B9D1: variants seen among roughly 807,000 people sequenced by gnomAD.
B9D1 encodes B9 domain containing 1.
Under a neutral mutation model 26.1 loss-of-function variants are expected in B9D1, and 20 were observed. That is an observed-to-expected ratio of 0.77 (90% confidence interval 0.54 to 1.12). B9D1 has a LOEUF of 1.12. Among genes scored for constraint, B9D1 ranks in the 50% most tolerant of loss-of-function variants. B9D1 has a pLI of 0.00. For missense variants in B9D1, 260 were observed against 273.7 expected (o/e 0.95, Z 0.35); for synonymous variants, 105 against 103.1 (o/e 1.02, Z -0.11).
chr17:19,363,348 G>T (rs1475722956), upstream of B9D1, among the ~76,000 whole-genome samples: 1 of 152,240 alleles, frequency 6.6e-6, no homozygotes, highest in Non-Finnish European at 1.5e-5. Context: ...CAGCGCTCAG[G>T]GGAGTTGCTA....
upstream of B9D1, among the ~76,000 whole-genome samples, chr17:19,366,529 G>C (rs570101525): frequency 2.6e-5 from 4 of 152,252 alleles, no homozygotes; most frequent in Admixed American, 1.3e-4. Flanking sequence ...CCCCAGACCA[G>C]TGCTCCTAGC....
At chr17:19,345,051 A>G (rs781367827) in intron 5 of B9D1, among the ~76,000 whole-genome samples, 10 of 152,172 alleles carry the variant, frequency 6.6e-5, no homozygotes, top group Admixed American at 3.3e-4. Flanking sequence ...CGGAGCTCAC[A>G]TGGAGCTCCC....
chr17:19,337,419 C>A, downstream of B9D1: 1 of 327,420 alleles, frequency 3.1e-6, no homozygotes, highest in South Asian at 7.7e-5. Flanking sequence ...TTGGAGAGGC[C>A]TTGAGACGAG....
Position 19,360,347 on chromosome 17 carries a change from C to T in B9D1, c.105G>A (p.Val35=), listed in dbSNP as rs912206756. The change falls in exon 2 of 7, where the codon GTG becomes GTA. Residue 35 remains valine (V), a synonymous_variant. Coordinates refer to ENST00000261499, the MANE Select transcript of B9D1 (RefSeq NM_015681.6). The part of the protein sequence containing the change: ...YDDLYCKYCF[V]YGQDWAPTAG... ...CTGTGGGGGCCCAGTCCTGGCCGTACACAAAGCAGTACTTGCAGTAGAGGT... is the reference window on the plus strand; with the variant it reads ...CTGTGGGGGCCCAGTCCTGGCCGTATACAAAGCAGTACTTGCAGTAGAGGT... The T allele has an allele frequency of 6.2e-6, 10 of 1,613,858 alleles. No individual in the cohort carries two copies. The Admixed American group carries it at 1.0e-4, about 16-fold the overall frequency.
chr17:19,335,358 A>T, downstream of B9D1: 1 of 1,538,952 alleles, frequency 6.5e-7, no homozygotes, highest in Non-Finnish European at 8.8e-7. Flanking sequence ...TAATGTATGA[A>T]TGTGACTCAC....
rs369379239 is a variant in B9D1 at position 19,357,479 on chromosome 17, C to T, written c.244+361G>A. The T allele has an allele frequency of 6.6e-5, 24 of 366,248 alleles. No homozygotes were observed. The East Asian group carries it at 8.0e-4, about 12-fold the overall frequency. The allele number at this position is 366,248 out of a possible 1,614,324, so 22.7% of individuals were successfully genotyped here. ...GGAGGAGAAAGTGCCAGGGTCTAGC[C>T]GGAACACAACACGCCATGGGAAGTC... On this transcript the variant is annotated intron_variant, in intron 3 of 6. Transcript: ENST00000261499.
At chr17:19,343,749 C>G (rs922514979) in intron 6 of B9D1, 41 bp downstream of exon 6, 5 of 1,613,204 alleles carry the variant, frequency 3.1e-6, no homozygotes, top group Non-Finnish European at 4.2e-6. Flanking sequence ...AGGCTGTAAC[C>G]TGTATGGGGG....
In B9D1 at chr17:19,362,719, C is replaced by T. The variant is rs1379816026; in HGVS notation, c.-150G>A. ...GAAGGCCACGCGAGTGCGCGTGTGG[C>T]ATGCGCAGGCGCAGTGAACGGGCGC... is the stretch of plus-strand genomic sequence containing the variant. On this transcript the variant is annotated 5_prime_UTR_variant, in exon 1 of 7. The change abolishes an upstream ATG in the 5' untranslated region. Coordinates refer to ENST00000261499, the MANE Select transcript of B9D1 (RefSeq NM_015681.6). The T allele has an allele frequency of 1.3e-6, 2 of 1,505,722 alleles. No homozygotes were observed. The highest frequency in any genetic ancestry group is 8.9e-7 in the Non-Finnish European group (1 of 1,126,950). 93.3% of individuals were successfully genotyped at this position (1,505,722 alleles called of 1,614,324 possible). A position where few individuals can be genotyped will look rare whatever the true frequency, so the allele number is the denominator to read the frequency against.
At chr17:19,341,246 C>T, downstream of B9D1, 2 of 1,231,696 alleles carry the variant, frequency 1.6e-6, no homozygotes, top group Non-Finnish European at 2.0e-6. Context: ...CTTCAGGTCC[C>T]CTTGATGTGG....
chr17:19,341,541 G>C (rs763620790), downstream of B9D1, among the ~76,000 whole-genome samples: 10 of 152,222 alleles, frequency 6.6e-5, no homozygotes, highest in Non-Finnish European at 1.5e-4. Context: ...AAGGAAGGCA[G>C]CTAATGTGGG....
Position 19,343,474 on chromosome 17 carries a change from G to A in B9D1, c.473-13C>T, listed in dbSNP as rs1234192470. On this transcript the variant is annotated splice_polypyrimidine_tract_variant and intron_variant, in intron 6 of 6. Transcript: ENST00000261499. ...CGGACACGGGTCACTGGGGACAGAA[G>A]GGCAGCATCAGCCAGGCTGGGCTGG... 1.9e-6 allele frequency: 3 copies of A among 1,614,020 alleles called. No individual in the cohort carries two copies. Among genetic ancestry groups the A allele is most frequent in the African/African-American group, 2.7e-5 (2 of 74,926 alleles).
downstream of B9D1, among the ~76,000 whole-genome samples, chr17:19,336,943 G>T (rs1052092035): frequency 6.6e-6 from 1 of 152,184 alleles, no homozygotes; most frequent in Non-Finnish European, 1.5e-5. Flanking sequence ...TGGCCTGCAC[G>T]GGTGTGCTGG....
intron 1 of B9D1, among the ~76,000 whole-genome samples, chr17:19,360,955 A>T (rs6587070): frequency 0.97 from 147,180 of 152,256 alleles, 71,395 homozygotes; most frequent in African/African-American, 0.99. Context: ...CAAAGCTTCA[A>T]CTGTATTTAC....
chr17:19,371,501 A>T (rs1911890511), intron 1 of B9D1: 1 of 152,238 alleles, frequency 6.6e-6, no homozygotes, highest in African/African-American at 2.4e-5. Context: ...GAGAGGGCCG[A>T]GACTTGCCTA....
chr17:19,360,229 C>T, intron 2 of B9D1, 91 bp downstream of exon 2: 2 of 1,244,876 alleles, frequency 1.6e-6, no homozygotes, highest in Non-Finnish European at 2.4e-6. Context: ...TACCTCTTAA[C>T]TTGTTCTGAA....
Position 19,362,683 on chromosome 17 carries a change from G to T in B9D1, c.-114C>A. Reference sequence around the variant, plus strand: ...CGCGCAGGACACGTTTCTTGGCAGCGACACCTTCGCGAAGGCCACGCGAGT... The same window carrying T: ...CGCGCAGGACACGTTTCTTGGCAGCTACACCTTCGCGAAGGCCACGCGAGT... On this transcript the variant is annotated 5_prime_UTR_variant, in exon 1 of 7. Coordinates refer to ENST00000261499, the MANE Select transcript of B9D1 (RefSeq NM_015681.6). 1 of 1,535,396 alleles carries T rather than the reference G, an allele frequency of 6.5e-7. No homozygotes were observed. Among genetic ancestry groups the T allele is most frequent in the South Asian group, 1.2e-5 (1 of 83,820 alleles).
intron 1 of B9D1, among the ~76,000 whole-genome samples, chr17:19,377,211 T>C (rs1442928628): frequency 1.3e-5 from 2 of 152,244 alleles, no homozygotes; most frequent in African/African-American, 4.8e-5. Context: ...CTAAATTGAC[T>C]TGAGACTTGT....
Position 19,343,542 on chromosome 17 carries a change from C to T in B9D1, c.473-81G>A, listed in dbSNP as rs145712777. ...GTTGATCTGGGAATCTCAGCCTCAG[C>T]GTTCTCATCTGTAAAATGGGGACAA... On this transcript the variant is annotated intron_variant, in intron 6 of 6. Coordinates refer to ENST00000261499, the MANE Select transcript of B9D1 (RefSeq NM_015681.6). The T allele has an allele frequency of 1.0e-4, 164 of 1,600,522 alleles. 1 individual carries two copies. In the East Asian group the frequency reaches 3.0e-3, roughly 29 times the overall value.
chr17:19,363,558 ACC>A (rs1174975398), upstream of B9D1: 1 of 152,196 alleles, frequency 6.6e-6, no homozygotes, highest in African/African-American at 2.4e-5. Flanking sequence ...GAGGCTAACA[ACC>A]CTCACTGCCT....
Sources: allele counts gnomAD v4.1 joint callset (sites outside exome capture counted in the v4.1 genomes callset), GRCh38; gene constraint gnomAD v4.1.1; transcripts MANE v1.5; gene names NCBI Gene and HGNC (gene_info 2026-07-23, HGNC 2026-07-21).